The following IL1RAPL1 variants were observed in gnomAD, a reference collection of about 807,000 sequenced individuals.
The protein encoded by IL1RAPL1 is interleukin 1 receptor accessory protein like 1.
IL1RAPL1 carries 3 observed loss-of-function variants against 48.4 expected under a neutral mutation model. The ratio of observed to expected loss-of-function variants is 0.06; its 90% CI spans 0.03 to 0.16. IL1RAPL1 has a LOEUF of 0.16. Ranked by LOEUF, IL1RAPL1 falls within the 10% of genes least tolerant of loss-of-function variation. The probability of loss-of-function intolerance (pLI) is 1.00; values close to 1 mark genes in which losing one functional copy is unlikely to be tolerated. For synonymous variants in IL1RAPL1, 185 were observed against 187.7 expected (o/e 0.99, Z 0.12); for missense variants, 349 against 530.6 (o/e 0.66, Z 3.36).
chrX:28,949,442 T>C (rs1924392310), intron 2 of IL1RAPL1, among the ~76,000 whole-genome samples: 1 of 111,556 alleles, frequency 9.0e-6, no homozygotes, highest in Admixed American at 9.6e-5. Flanking sequence ...TAAAGTTTTA[T>C]TGGAACGCAG....
At chrX:29,828,221 G>A (rs1930785692) in intron 6 of IL1RAPL1, among the ~76,000 whole-genome samples, 1 of 111,822 alleles carries the variant, frequency 8.9e-6, no homozygotes, top group Non-Finnish European at 1.9e-5. Flanking sequence ...GGAATCGTAG[G>A]CATAGAGCAG....
intron 2 of IL1RAPL1, among the ~76,000 whole-genome samples, chrX:28,920,224 G>A: frequency 1.8e-5 from 2 of 111,670 alleles, no homozygotes; most frequent in South Asian, 7.4e-4. Flanking sequence ...TTTAAATCCT[G>A]CTTAAATGAG....
intron 5 of IL1RAPL1, among the ~76,000 whole-genome samples, chrX:29,540,996 C>T (rs1295432882): frequency 5.4e-5 from 6 of 111,751 alleles, no homozygotes; most frequent in Non-Finnish European, 1.1e-4. Context: ...AAACAGACAA[C>T]CTACAGAATG....
At chrX:29,001,202 T>A (rs1475979755) in intron 2 of IL1RAPL1, among the ~76,000 whole-genome samples, 2 of 112,359 alleles carry the variant, frequency 1.8e-5, no homozygotes, top group African/African-American at 6.5e-5. Context: ...AGTTTTATTG[T>A]AATCAAAATA....
At chrX:29,137,964 A>T (rs1329366263) in intron 2 of IL1RAPL1, among the ~76,000 whole-genome samples, 1 of 112,938 alleles carries the variant, frequency 8.9e-6, no homozygotes, top group East Asian at 2.8e-4. Context: ...TAGCAAGAAC[A>T]CTATAAAGCA....
chrX:28,662,989 T>G, intron 1 of IL1RAPL1, among the ~76,000 whole-genome samples: 1 of 111,187 alleles, frequency 9.0e-6, no homozygotes, highest in South Asian at 3.9e-4. Flanking sequence ...TCTCAGTCTT[T>G]AACTGTATGA....
chrX:29,018,764 A>G (rs1397160076), intron 2 of IL1RAPL1, among the ~76,000 whole-genome samples: 1 of 111,904 alleles, frequency 8.9e-6, no homozygotes, highest in Admixed American at 9.5e-5. Context: ...TGGAATCTAG[A>G]AATGATTACA....
chrX:28,949,268 G>GT (rs1233339904), intron 2 of IL1RAPL1, among the ~76,000 whole-genome samples: 1 of 107,184 alleles, frequency 9.3e-6, no homozygotes, highest in East Asian at 2.9e-4. Flanking sequence ...GAGAAAAGGT[G>GT]TTTTTTGTTT....
chrX:28,727,814 G>A (rs1328593739), intron 1 of IL1RAPL1, among the ~76,000 whole-genome samples: 6 of 110,482 alleles, frequency 5.4e-5, no homozygotes, highest in East Asian at 2.8e-4. Context: ...GTAAACTATC[G>A]CAAGAACAAA....
At chrX:29,439,851 G>GTTTTTTTTTTTT (rs760458968) in intron 5 of IL1RAPL1, among the ~76,000 whole-genome samples, 6 of 59,855 alleles carry the variant, frequency 1.0e-4, no homozygotes, top group African/African-American at 3.6e-4. Context: ...TGTTTGTTTG[G>GTTTTTTTTTTTT]TTTTTTTTTT....
chrX:28,954,244 A>G (rs1440266638), intron 2 of IL1RAPL1, among the ~76,000 whole-genome samples: 1 of 111,250 alleles, frequency 9.0e-6, no homozygotes, highest in Non-Finnish European at 1.9e-5. Flanking sequence ...AGATAAGCCA[A>G]TAGTTTCATA....
At chrX:29,900,384 T>TTGAG (rs1361382209) in intron 6 of IL1RAPL1, among the ~76,000 whole-genome samples, 1 of 112,165 alleles carries the variant, frequency 8.9e-6, no homozygotes, top group African/African-American at 3.2e-5. Context: ...GCCTAAGACC[T>TTGAG]TGAGTGTCAA....
chrX:29,496,201 A>T (rs1935211120), intron 5 of IL1RAPL1, among the ~76,000 whole-genome samples: 1 of 111,849 alleles, frequency 8.9e-6, no homozygotes, highest in Non-Finnish European at 1.9e-5. Flanking sequence ...AAATTTACTG[A>T]AGTAAAAATG....
intron 2 of IL1RAPL1, among the ~76,000 whole-genome samples, chrX:29,259,010 A>C (rs995707597): frequency 9.0e-6 from 1 of 111,223 alleles, no homozygotes; most frequent in Non-Finnish European, 1.9e-5. Flanking sequence ...CTCTAACCTC[A>C]TAAGTTTCAC....
intron 2 of IL1RAPL1, among the ~76,000 whole-genome samples, chrX:28,937,192 T>C (rs922179869): frequency 8.9e-6 from 1 of 111,821 alleles, no homozygotes; most frequent in African/African-American, 3.2e-5. Context: ...ATTTGGCCTT[T>C]TGTGTTACCG....
chrX:29,662,980 A>G (rs1291269082), intron 5 of IL1RAPL1, among the ~76,000 whole-genome samples: 2 of 112,088 alleles, frequency 1.8e-5, no homozygotes, highest in South Asian at 3.7e-4. Flanking sequence ...TTTCACCCCA[A>G]GTGGATTCAC....
chrX:28,669,438 G>C (rs1363619837), intron 1 of IL1RAPL1, among the ~76,000 whole-genome samples: 1 of 108,845 alleles, frequency 9.2e-6, no homozygotes, highest in African/African-American at 3.3e-5. Flanking sequence ...GGCCAACATG[G>C]TGAAACCGTG....
rs181849585 is a variant in IL1RAPL1, at chrX:28,759,511, A to G, written c.-24-29809A>G. On this transcript the variant is annotated intron_variant, in intron 1 of 10. Transcript: ENST00000378993. Reference sequence around the variant, plus strand: ...TTTTATAAACATACTAATCAAGGAAACATTGTTAGTTTACAGCATTGCAGC... The same window carrying G: ...TTTTATAAACATACTAATCAAGGAAGCATTGTTAGTTTACAGCATTGCAGC... 1.6e-3 allele frequency among the ~76,000 whole-genome samples: 178 copies of G among 111,170 alleles called. 1 individual carries two copies. Among genetic ancestry groups the G allele is most frequent in the African/African-American group, 4.8e-3 (148 of 30,598 alleles).
intron 2 of IL1RAPL1, among the ~76,000 whole-genome samples, chrX:28,947,652 T>C (rs756760531): frequency 1.8e-5 from 2 of 111,549 alleles, no homozygotes; most frequent in South Asian, 3.7e-4. Context: ...ACGGCACATG[T>C]GTACGTATGT....
Sources: allele counts gnomAD v4.1 joint callset (sites outside exome capture counted in the v4.1 genomes callset), GRCh38; gene constraint gnomAD v4.1.1; transcripts MANE v1.5; gene names NCBI Gene and HGNC (gene_info 2026-07-23, HGNC 2026-07-21).